Variants in LPP observed in about 807,000 individuals in gnomAD.
LPP encodes lipoma-preferred partner.
A neutral mutation model predicts 60.4 loss-of-function variants in LPP; 38 were observed. That is an observed-to-expected ratio of 0.63 (90% confidence interval 0.49 to 0.83). The LOEUF (loss-of-function observed/expected upper bound fraction) is 0.83, where lower values mean the gene tolerates loss of function less well. Ranked by LOEUF, LPP falls within the 40% of genes least tolerant of loss-of-function variation. The pLI, the probability that LPP is intolerant of heterozygous loss-of-function variation, is 0.00. For synonymous variants in LPP, 328 were observed against 290.8 expected (o/e 1.13, Z -1.30); for missense variants, 902 against 783.6 (o/e 1.15, Z -1.80).
At chr3:188,799,411 T>G (rs1181475229) in intron 9 of LPP, among the ~76,000 whole-genome samples, 1 of 152,244 alleles carries the variant, frequency 6.6e-6, no homozygotes, top group Non-Finnish European at 1.5e-5. Context: ...AGATATTTTT[T>G]GCAAGAATTG....
intron 6 of LPP, among the ~76,000 whole-genome samples, chr3:188,590,001 T>C (rs970472524): frequency 2.0e-5 from 3 of 152,222 alleles, no homozygotes; most frequent in Non-Finnish European, 4.4e-5. Flanking sequence ...TTTGTTTACG[T>C]TGCACTGCAC....
At chr3:188,736,521 A>G (rs1014268223) in intron 8 of LPP, among the ~76,000 whole-genome samples, 5 of 152,148 alleles carry the variant, frequency 3.3e-5, no homozygotes, top group African/African-American at 1.2e-4. Context: ...GATTTAGGAA[A>G]AGAAACTACT....
intron 3 of LPP, among the ~76,000 whole-genome samples, chr3:188,395,395 G>A (rs1780683702): frequency 6.6e-6 from 1 of 151,454 alleles, no homozygotes; most frequent in Admixed American, 6.6e-5. Context: ...ATGTTTTTTA[G>A]AAATTATTAT....
chr3:188,513,403 G>A (rs1816399072), intron 5 of LPP, among the ~76,000 whole-genome samples: 1 of 152,136 alleles, frequency 6.6e-6, no homozygotes, highest in African/African-American at 2.4e-5. Context: ...GTCTGTATAT[G>A]TTTCATACAA....
chr3:188,260,878 C>A (rs1733370490), intron 2 of LPP, among the ~76,000 whole-genome samples: 1 of 151,808 alleles, frequency 6.6e-6, no homozygotes, highest in Non-Finnish European at 1.5e-5. Flanking sequence ...ACTAAAAATA[C>A]AAAAAAATTA....
chr3:188,394,551 A>AGTGTGTGTGTGTGTGTGTGTGT (rs1209092729), intron 3 of LPP, among the ~76,000 whole-genome samples: 12 of 146,882 alleles, frequency 8.2e-5, no homozygotes, highest in East Asian at 4.0e-4. Context: ...AAATATCTAA[A>AGTGTGTGTGTGTGTGTGTGTGT]GTGTGTGTGT....
chr3:188,449,296 T>A (rs1053543530), intron 4 of LPP, among the ~76,000 whole-genome samples: 13 of 152,188 alleles, frequency 8.5e-5, no homozygotes, highest in Non-Finnish European at 1.9e-4. Flanking sequence ...ACTTTCTTTT[T>A]CTTTCTTTTC....
chr3:188,164,697 G>GTCAC (rs750149900), intron 1 of LPP, among the ~76,000 whole-genome samples: 2 of 152,144 alleles, frequency 1.3e-5, no homozygotes, highest in African/African-American at 2.4e-5. Flanking sequence ...GGTGGTCATT[G>GTCAC]TCACCCTGGA....
chr3:188,817,145 G>C (rs1752683798), intron 9 of LPP, among the ~76,000 whole-genome samples: 1 of 152,174 alleles, frequency 6.6e-6, no homozygotes, highest in Non-Finnish European at 1.5e-5. Context: ...GGTTATCAGA[G>C]CAATTGGGTC....
intron 9 of LPP, 33 bp from the exon 10 acceptor site, chr3:188,866,167 C>T: frequency 1.4e-6 from 2 of 1,428,308 alleles, no homozygotes; most frequent in East Asian, 2.6e-5. Flanking sequence ...CCCTTCTGTC[C>T]CAGTCTGACG....
At chr3:188,672,678 C>G (rs1857182224) in intron 7 of LPP, among the ~76,000 whole-genome samples, 1 of 152,188 alleles carries the variant, frequency 6.6e-6, no homozygotes, top group African/African-American at 2.4e-5. Flanking sequence ...TGCCCTTCCT[C>G]TTCCTATACC....
intron 7 of LPP, among the ~76,000 whole-genome samples, chr3:188,667,336 G>A (rs1305393919): frequency 2.0e-5 from 3 of 151,886 alleles, no homozygotes; most frequent in Admixed American, 1.3e-4. Context: ...AAATTAGCCG[G>A]GCGTGGTGGT....
intron 6 of LPP, among the ~76,000 whole-genome samples, chr3:188,581,784 G>A (rs2150989511): frequency 6.6e-6 from 1 of 152,144 alleles, no homozygotes; most frequent in African/African-American, 2.4e-5. Context: ...CATTCTTCCA[G>A]CACTCTCTCT....
At chr3:188,664,636 T>G (rs898724692) in intron 7 of LPP, among the ~76,000 whole-genome samples, 3 of 151,778 alleles carry the variant, frequency 2.0e-5, no homozygotes, top group African/African-American at 7.3e-5. Flanking sequence ...TGTGTGTGTG[T>G]GGAGAGAGAG....
chr3:188,263,873 T>G (rs1231419959), intron 2 of LPP, among the ~76,000 whole-genome samples: 2 of 152,262 alleles, frequency 1.3e-5, no homozygotes, highest in African/African-American at 4.8e-5. Flanking sequence ...GTTCTCATTT[T>G]GGCTTGCCCA....
At chr3:188,526,169 G>A (rs1025047841) in intron 6 of LPP, among the ~76,000 whole-genome samples, 1 of 152,222 alleles carries the variant, frequency 6.6e-6, no homozygotes, top group African/African-American at 2.4e-5. Flanking sequence ...CCTCACTCCA[G>A]TTCTTGAGTG....
At chr3:188,322,337 C>A (rs1034650485) in intron 2 of LPP, among the ~76,000 whole-genome samples, 2 of 152,090 alleles carry the variant, frequency 1.3e-5, no homozygotes, top group East Asian at 1.9e-4. Context: ...TTCCCTGATT[C>A]GTCCTTCTTC....
chr3:188,481,647 T>C (rs958559876), intron 4 of LPP, among the ~76,000 whole-genome samples: 9 of 152,210 alleles, frequency 5.9e-5, no homozygotes, highest in African/African-American at 1.9e-4. Flanking sequence ...TTTTGGACTT[T>C]TCATGTAGCT....
intron 7 of LPP, among the ~76,000 whole-genome samples, chr3:188,661,568 T>A (rs1854580142): frequency 6.6e-6 from 1 of 152,222 alleles, no homozygotes; most frequent in South Asian, 2.1e-4. Context: ...ATTTGCTTAT[T>A]TGCCATCTGT....
Sources: gnomAD v4.1 joint callset for allele counts (sites outside exome capture counted in the v4.1 genomes callset) on GRCh38, gnomAD v4.1.1 for gene constraint, MANE v1.5 for transcripts, NCBI Gene and HGNC (gene_info 2026-07-23, HGNC 2026-07-21) for gene names.